The following OCA2 variants were observed in gnomAD, a reference collection of about 807,000 sequenced individuals.
OCA2 encodes the protein OCA2 melanosomal transmembrane protein, also known as P protein.
OCA2 carries 77 observed loss-of-function variants against 100.2 expected under a neutral mutation model. That is an observed-to-expected ratio of 0.77 (90% CI 0.64 to 0.93). The LOEUF is 0.93. Ranked by LOEUF, OCA2 falls within the 40% of genes least tolerant of loss-of-function variation. The pLI is 0.00. For synonymous variants in OCA2, 432 were observed against 439.2 expected, an observed-to-expected ratio of 0.98 and a Z score of 0.21; for missense variants, 1,062 against 1,089.1, an observed-to-expected ratio of 0.98 and a Z score of 0.35.
At chr15:27,993,636 TAA>T (rs2041627929) in intron 9 of OCA2, among the ~76,000 whole-genome samples, 2 of 152,150 alleles carry the variant, frequency 1.3e-5, no homozygotes, top group African/African-American at 4.8e-5. Context: ...GCACCCTCGC[TAA>T]GTTTGCTCCG....
At chr15:27,969,877 AT>A (rs1372752721) in intron 14 of OCA2, among the ~76,000 whole-genome samples, 1 of 147,790 alleles carries the variant, frequency 6.8e-6, no homozygotes, top group Non-Finnish European at 1.5e-5. Flanking sequence ...AGCCAAAATG[AT>A]TTCTTGAATT....
rs1043537393 is a variant in OCA2 at position 27,990,747 on chromosome 15, G to T, written c.1045-100C>A. ...TGAGGGGGTCTATATCTGCCACTGTGTACCACATCTATTCAAATGATAAGT... is the reference window on the plus strand; with the variant it reads ...TGAGGGGGTCTATATCTGCCACTGTTTACCACATCTATTCAAATGATAAGT... On this transcript the variant is annotated intron_variant, in intron 9 of 23. Coordinates refer to ENST00000354638, the MANE Select transcript of OCA2 (RefSeq NM_000275.3). 4.0e-5 allele frequency: 39 copies of T among 964,344 alleles called. No individual in the cohort carries two copies. In the African/African-American group the frequency reaches 4.2e-4, roughly 10 times the overall value. 59.7% of individuals were successfully genotyped at this position (964,344 alleles called of 1,614,324 possible). A position where few individuals can be genotyped will look rare whatever the true frequency, so the allele number is the denominator to read the frequency against.
At chr15:27,814,931 GAT>G (rs772409665) in intron 23 of OCA2, among the ~76,000 whole-genome samples, 5,533 of 149,742 alleles carry the variant, frequency 0.037, 163 homozygotes, top group Non-Finnish European at 0.046. Flanking sequence ...TAGATAGATA[GAT>G]AGATAGATAG....
intron 23 of OCA2, among the ~76,000 whole-genome samples, chr15:27,794,311 G>GC (rs1013834684): frequency 3.5e-4 from 54 of 152,302 alleles, no homozygotes; most frequent in South Asian, 1.7e-3. Flanking sequence ...TGTCCCACAA[G>GC]CAAGGGACAA....
intron 18 of OCA2, among the ~76,000 whole-genome samples, chr15:27,927,438 T>G (rs1458625426): frequency 6.6e-6 from 1 of 152,236 alleles, no homozygotes; most frequent in East Asian, 1.9e-4. Flanking sequence ...AGTGTCTGGC[T>G]ATTTCAAATA....
At chr15:27,775,151 G>A (rs1259389492) in intron 23 of OCA2, among the ~76,000 whole-genome samples, 4 of 151,860 alleles carry the variant, frequency 2.6e-5, no homozygotes, top group African/African-American at 9.7e-5. Context: ...CTGGCGCCCT[G>A]GGCCACGTGA....
At chr15:27,806,782 G>A (rs1396182594) in intron 23 of OCA2, among the ~76,000 whole-genome samples, 2 of 152,250 alleles carry the variant, frequency 1.3e-5, no homozygotes, top group Non-Finnish European at 2.9e-5. Context: ...TGATGGCCCA[G>A]ACTGCGGAGA....
At chr15:27,880,665 T>C (rs1211638801) in intron 19 of OCA2, among the ~76,000 whole-genome samples, 2 of 152,170 alleles carry the variant, frequency 1.3e-5, no homozygotes, top group African/African-American at 4.8e-5. Context: ...TGCTTGTGTA[T>C]TGTTGGTGTA....
chr15:27,771,219 A>G (rs952820680), intron 23 of OCA2, among the ~76,000 whole-genome samples: 6 of 151,036 alleles, frequency 4.0e-5, no homozygotes, highest in Non-Finnish European at 7.4e-5. Context: ...TCTGAGGCCC[A>G]TAAACACCCC....
chr15:27,982,311 T>C lies in OCA2; in HGVS notation c.1503+1034A>G, dbSNP rs576559988. On this transcript the variant is annotated intron_variant, in intron 14 of 23. Transcript: ENST00000354638. ...TTTCTACCAAAAAAAGTATTACCTGTTTATGGAATGAAACTAACAATACAA... is the reference window on the plus strand; with the variant it reads ...TTTCTACCAAAAAAAGTATTACCTGCTTATGGAATGAAACTAACAATACAA... 2.0e-5 allele frequency among the ~76,000 whole-genome samples: 3 copies of C among 152,372 alleles called. No homozygotes were observed. In the East Asian group the frequency reaches 5.8e-4, roughly 29 times the overall value.
At chr15:27,770,406 C>G (rs953954647) in intron 23 of OCA2, among the ~76,000 whole-genome samples, 1 of 152,200 alleles carries the variant, frequency 6.6e-6, no homozygotes, top group Non-Finnish European at 1.5e-5. Flanking sequence ...TCCCCGTCTC[C>G]GCCGGCAGAA....
At chr15:27,896,037 G>A in intron 19 of OCA2, 3 of 1,140,560 alleles carry the variant, frequency 2.6e-6, no homozygotes, top group African/African-American at 1.5e-5. Flanking sequence ...GTTTGGCATG[G>A]AAAAGATCTA....
chr15:27,942,497 G>A (rs1253505119), intron 18 of OCA2, among the ~76,000 whole-genome samples: 2 of 151,952 alleles, frequency 1.3e-5, no homozygotes, highest in Admixed American at 6.6e-5. Flanking sequence ...GGGTCTGGGG[G>A]TTGGGGAAAG....
At chr15:27,778,513 G>A (rs1319487812) in intron 23 of OCA2, among the ~76,000 whole-genome samples, 1 of 152,130 alleles carries the variant, frequency 6.6e-6, no homozygotes. Flanking sequence ...AAGAGACACT[G>A]CACAGAAGAC....
At chr15:27,846,228 C>T (rs938983326) in intron 22 of OCA2, among the ~76,000 whole-genome samples, 1 of 152,146 alleles carries the variant, frequency 6.6e-6, no homozygotes, top group African/African-American at 2.4e-5. Flanking sequence ...TGCCTGCCAA[C>T]CCCACTCCTT....
At chr15:27,996,322 C>T (rs929649273) in intron 9 of OCA2, among the ~76,000 whole-genome samples, 1 of 152,002 alleles carries the variant, frequency 6.6e-6, no homozygotes, top group African/African-American at 2.4e-5. Context: ...GAATTGAAAA[C>T]CACATTGTGC....
At chr15:27,831,199 T>A (rs1201013269) in intron 23 of OCA2, among the ~76,000 whole-genome samples, 2 of 145,114 alleles carry the variant, frequency 1.4e-5, no homozygotes, top group Non-Finnish European at 3.0e-5. Context: ...GGCAGGAGAA[T>A]CGCTTGAACC....
At chr15:28,009,564 T>C (rs2042180712) in intron 9 of OCA2, among the ~76,000 whole-genome samples, 1 of 152,088 alleles carries the variant, frequency 6.6e-6, no homozygotes, top group African/African-American at 2.4e-5. Flanking sequence ...GGTATGCGCC[T>C]GTGGTCTCAG....
chr15:27,796,315 C>T (rs1007991363), intron 23 of OCA2, among the ~76,000 whole-genome samples: 1 of 152,252 alleles, frequency 6.6e-6, no homozygotes, highest in Non-Finnish European at 1.5e-5. Flanking sequence ...AGAGCAGTGA[C>T]GACCCCAGTC....
Sources: gnomAD v4.1 joint callset for allele counts (sites outside exome capture counted in the v4.1 genomes callset) on GRCh38, gnomAD v4.1.1 for gene constraint, MANE v1.5 for transcripts, NCBI Gene and HGNC (gene_info 2026-07-23, HGNC 2026-07-21) for gene names.